The following ALPL variants were observed in gnomAD, a reference collection of about 807,000 sequenced individuals.
ALPL encodes the protein alkaline phosphatase, biomineralization associated.
Under a neutral mutation model 51.3 loss-of-function variants are expected in ALPL, and 42 were observed. The observed-to-expected ratio is 0.82, with a 90% CI of 0.64 to 1.06. ALPL has a LOEUF of 1.06. ALPL is among the 50% of genes least tolerant of loss of function. ALPL has a pLI of 0.00. For missense variants in ALPL, 589 were observed against 709.4 expected (o/e 0.83, Z 1.93); for synonymous variants, 279 against 296.4 (o/e 0.94, Z 0.60).
intron 1 of ALPL, among the ~76,000 whole-genome samples, chr1:21,523,578 G>A (rs556014203): frequency 6.6e-5 from 10 of 152,302 alleles, no homozygotes; most frequent in African/African-American, 2.4e-4. Context: ...CCTCCCCTAT[G>A]TCACACCCTG....
At chr1:21,561,072 C>T in intron 3 of ALPL, 25 bp from the exon 4 acceptor site, 1 of 1,579,458 alleles carries the variant, frequency 6.3e-7, no homozygotes, top group Non-Finnish European at 8.6e-7. Flanking sequence ...GCACGAGAGA[C>T]TGAGGCCCCC....
At position 21,568,220 on chromosome 1, in the gene ALPL, C is replaced by T. The variant is rs2148171896; in HGVS notation, c.765C>T (p.Thr255=). 6.2e-7 allele frequency: 1 copy of T among 1,614,044 alleles called. No individual in the cohort carries two copies. Among genetic ancestry groups the T allele is most frequent in the Non-Finnish European group, 8.5e-7 (1 of 1,180,002 alleles). The change falls in exon 7 of 12, where the codon ACC becomes ACT. Residue 255 remains threonine (T), a synonymous_variant. Coordinates refer to ENST00000374840, the MANE Select transcript of ALPL (RefSeq NM_000478.6). ...TGGACGGCCTGGACCTCGTTGACAC[C>T]TGGAAGAGCTTCAAACCGAGATACA... ...TRLDGLDLVD[T]WKSFKPRYKH...
upstream of ALPL, chr1:21,509,332 T>C (rs1226638135): frequency 2.3e-5 from 2 of 87,132 alleles, no homozygotes; most frequent in East Asian, 7.4e-4. The surrounding 1 kb of genome is among the most constrained non-coding windows in gnomAD (Gnocchi z 6.0). Context: ...TGGGGAGGGG[T>C]TGGGGCCGGG....
intron 2 of ALPL, among the ~76,000 whole-genome samples, chr1:21,558,819 C>T (rs933391450): frequency 6.6e-6 from 1 of 152,150 alleles, no homozygotes. Context: ...AGCACCCTGG[C>T]GGCTCCTCGC....
intron 1 of ALPL, among the ~76,000 whole-genome samples, chr1:21,541,758 G>C (rs937648032): frequency 2.6e-5 from 4 of 152,204 alleles, no homozygotes; most frequent in African/African-American, 2.4e-5. Flanking sequence ...GGACAGCATG[G>C]GACATTCTAG....
chr1:21,571,285 G>A (rs1644643323), intron 8 of ALPL, among the ~76,000 whole-genome samples: 1 of 152,156 alleles, frequency 6.6e-6, no homozygotes, highest in Admixed American at 6.5e-5. Context: ...AGATAGTGAT[G>A]GGGCTGGAGA....
intron 1 of ALPL, among the ~76,000 whole-genome samples, chr1:21,520,204 G>A (rs1252826410): frequency 2.6e-5 from 4 of 152,024 alleles, no homozygotes; most frequent in East Asian, 3.9e-4. Context: ...AGTTGACTGC[G>A]GCCTTGACTT....
intron 1 of ALPL, among the ~76,000 whole-genome samples, chr1:21,543,788 G>A (rs1036374461): frequency 6.6e-6 from 1 of 152,214 alleles, no homozygotes; most frequent in African/African-American, 2.4e-5. Context: ...CTCTAGACCG[G>A]GGGCTCCCTA....
intron 1 of ALPL, among the ~76,000 whole-genome samples, chr1:21,523,019 C>T (rs1388091206): frequency 6.6e-6 from 1 of 152,200 alleles, no homozygotes; most frequent in Admixed American, 6.5e-5. Flanking sequence ...GGCGCAGTGG[C>T]CCCTGCCTGT....
chr1:21,518,687 G>GT (rs1213156342), intron 1 of ALPL, among the ~76,000 whole-genome samples: 1 of 152,102 alleles, frequency 6.6e-6, no homozygotes, highest in Non-Finnish European at 1.5e-5. Context: ...ACTTTAAATT[G>GT]TAACTGTACC....
At chr1:21,571,693 A>G (rs1644650906) in intron 8 of ALPL, among the ~76,000 whole-genome samples, 1 of 139,016 alleles carries the variant, frequency 7.2e-6, no homozygotes, top group African/African-American at 2.7e-5. Context: ...CAAAGAACAA[A>G]CACGAAAAAA....
rs1326895984 is a variant in ALPL, at chr1:21,576,602, G to A, written c.1270G>A (p.Val424Met). Residue 424 changes from valine (V) to methionine (M), a missense_variant, in exon 11 of 12, where the codon GTG (valine) becomes ATG (methionine). Physicochemically the swap from Val to Met is conservative, Grantham distance 21. Coordinates refer to ENST00000374840, the MANE Select transcript of ALPL (RefSeq NM_000478.6). ...LYGNGPGYKV[V>M]GGERENVSMV... ...TGGCAATGGGCCTGGCTACAAGGTG[G>A]TGGGCGGTGAACGAGAGAATGTCTC... The A allele has an allele frequency of 1.2e-6, 2 of 1,613,900 alleles. No homozygotes were observed. Among genetic ancestry groups the A allele is most frequent in the Non-Finnish European group, 1.7e-6 (2 of 1,179,968 alleles).
At position 21,573,951 on chromosome 1, in the gene ALPL, A is replaced by G. The variant is rs2275369; in HGVS notation, c.997+152A>G. On this transcript the variant is annotated intron_variant, in intron 9 of 11. Transcript: ENST00000374840. ...TAGGTTGTGGAAGGAGACGGGTGGCACTGTAGACACTCCCAGCCCAGCAAG... is the reference window on the plus strand; with the variant it reads ...TAGGTTGTGGAAGGAGACGGGTGGCGCTGTAGACACTCCCAGCCCAGCAAG... The G allele has an allele frequency of 0.15, 216,978 of 1,474,126 alleles. 20,270 individuals carry two copies. Among genetic ancestry groups the G allele is most frequent in the East Asian group, 0.51 (20,236 of 40,048 alleles). The allele number at this position is 1,474,126 out of a possible 1,614,324, so 91.3% of individuals were successfully genotyped here.
At chr1:21,565,740 G>A (rs1203760016) in intron 6 of ALPL, among the ~76,000 whole-genome samples, 1 of 149,164 alleles carries the variant, frequency 6.7e-6, no homozygotes. Flanking sequence ...CTGCCTCTCC[G>A]TCACCACCCC....
intron 5 of ALPL, 34 bp downstream of exon 5, chr1:21,563,318 C>T (rs369707178): frequency 1.1e-5 from 17 of 1,590,952 alleles, no homozygotes; most frequent in Non-Finnish European, 1.3e-5. Context: ...GCAGGGCCAG[C>T]TTCGTGGCCT....
At chr1:21,543,957 C>T (rs1644222486) in intron 1 of ALPL, among the ~76,000 whole-genome samples, 3 of 152,172 alleles carry the variant, frequency 2.0e-5, no homozygotes, top group Admixed American at 2.0e-4. Flanking sequence ...ATGGGGAAGG[C>T]CCCCGGCTGA....
At chr1:21,529,273 T>C (rs1643997438) in intron 1 of ALPL, among the ~76,000 whole-genome samples, 1 of 151,784 alleles carries the variant, frequency 6.6e-6, no homozygotes, top group Admixed American at 6.6e-5. Flanking sequence ...TTTTTTTTTC[T>C]GAGACAGGGT....
chr1:21,560,900 C>G (rs770421825), intron 3 of ALPL, among the ~76,000 whole-genome samples, 155 bp downstream of exon 3: 4 of 152,130 alleles, frequency 2.6e-5, no homozygotes, highest in African/African-American at 7.2e-5. Flanking sequence ...ATTCAAGAGG[C>G]CTGCTCTGCC....
Position 21,563,166 on chromosome 1 carries a change from G to T in ALPL, c.354G>T (p.Leu118=). Residue 118 remains leucine (L), a synonymous_variant, in exon 5 of 12, where the codon CTG becomes CTT. Transcript: ENST00000374840. ...GTGCCGGCACCGCCACCGCCTACCT[G>T]TGTGGGGTGAAGGCCAATGAGGGCA... The part of the protein sequence containing the change: ...PDSAGTATAY[L]CGVKANEGTV... 1 of 1,613,946 alleles carries T rather than the reference G, an allele frequency of 6.2e-7. No homozygotes were observed. The highest frequency in any genetic ancestry group is 8.5e-7 in the Non-Finnish European group (1 of 1,180,018).
Sources: gnomAD v4.1 joint callset for allele counts (sites outside exome capture counted in the v4.1 genomes callset) on GRCh38, gnomAD v4.1.1 for gene constraint, Gnocchi (gnomAD v3.1) non-coding constraint, MANE v1.5 for transcripts, NCBI Gene and HGNC (gene_info 2026-07-23, HGNC 2026-07-21) for gene names.